Variants in HERC1 observed in about 807,000 individuals in gnomAD.
HERC1 encodes the protein probable E3 ubiquitin-protein ligase HERC1.
Under a neutral mutation model 554.3 loss-of-function variants are expected in HERC1, and 160 were observed. The observed-to-expected ratio is 0.29, with a 90% CI of 0.25 to 0.33. The LOEUF (loss-of-function observed/expected upper bound fraction) is 0.33, where lower values mean the gene tolerates loss of function less well. Among genes scored for constraint, HERC1 ranks in the 10% least tolerant of loss-of-function variants. The pLI is 1.00. For missense variants in HERC1, 4,919 were observed against 5,918.5 expected (o/e 0.83, Z 5.54); for synonymous variants, 2,175 against 2,131.7 (o/e 1.02, Z -0.56).
intron 2 of HERC1, among the ~76,000 whole-genome samples, chr15:63,765,346 T>G (rs553859492): frequency 6.8e-4 from 103 of 151,970 alleles, no homozygotes; most frequent in Non-Finnish European, 1.3e-3. Flanking sequence ...AAACCAAAAA[T>G]AAAATTCAAA....
rs748345488 is a variant in HERC1, at chr15:63,686,488, T to C, written c.6096A>G (p.Glu2032=). ...EEEDENLPIQ[E]VSFDPEKAQC... is the part of the protein sequence containing the mutation. ...GAGCTTTCTCCGGGTCAAAGGATAC[T>C]TCTTGGATAGGAAGATTCTCATCTT... The change falls in exon 34 of 78, where the codon GAA becomes GAG. Residue 2032 remains glutamate (E), a synonymous_variant. Coordinates refer to ENST00000443617, the MANE Select transcript of HERC1 (RefSeq NM_003922.4). 2.5e-6 allele frequency: 4 copies of C among 1,613,894 alleles called. 1 individual carries two copies. The highest frequency in any genetic ancestry group is 2.2e-5 in the South Asian group (2 of 91,060).
chr15:63,739,762 C>T (rs976766589), intron 12 of HERC1, among the ~76,000 whole-genome samples: 1 of 152,010 alleles, frequency 6.6e-6, no homozygotes, highest in Non-Finnish European at 1.5e-5. Context: ...CGCTTGAACC[C>T]AGGACGTGGA....
Position 63,636,973 on chromosome 15 carries a change from CTT to C in HERC1, c.12232+530_12232+531del. On this transcript the variant is annotated intron_variant, in intron 64 of 77. Transcript: ENST00000443617. Reference sequence around the variant, plus strand: ...GGAACTTGTTTTGAACTCATAGTTACTTGTATGCTTTTACCTAAAAAAACCGT... The same window carrying C: ...GGAACTTGTTTTGAACTCATAGTTACGTATGCTTTTACCTAAAAAAACCGT... 1.1e-5 allele frequency: 4 copies of C among 357,204 alleles called. No individual in the cohort carries two copies. The Admixed American group carries it at 1.5e-4, about 13-fold the overall frequency. 22.1% of individuals were successfully genotyped at this position (357,204 alleles called of 1,614,324 possible).
chr15:63,716,480 G>C lies in HERC1; in HGVS notation c.3979-7C>G. ...AGTCCTGGTTTTCTGATATCTTAAAGAAATTATCAGAAACTACACTAAATA... is the reference window on the plus strand; with the variant it reads ...AGTCCTGGTTTTCTGATATCTTAAACAAATTATCAGAAACTACACTAAATA... On this transcript the variant is annotated splice_polypyrimidine_tract_variant and splice_region_variant and intron_variant, in intron 21 of 77. Coordinates refer to ENST00000443617, the MANE Select transcript of HERC1 (RefSeq NM_003922.4). The C allele has an allele frequency of 6.3e-7, 1 of 1,576,478 alleles. No homozygotes were observed. Among genetic ancestry groups the C allele is most frequent in the Non-Finnish European group, 8.6e-7 (1 of 1,165,110 alleles).
At chr15:63,683,057 A>G (rs1175677832) in intron 34 of HERC1, among the ~76,000 whole-genome samples, 1 of 151,600 alleles carries the variant, frequency 6.6e-6, no homozygotes, top group Non-Finnish European at 1.5e-5. Flanking sequence ...AATCCCTTGA[A>G]ACTGGCAGGT....
chr15:63,712,486 T>C (rs2073349321), intron 24 of HERC1, among the ~76,000 whole-genome samples: 1 of 152,156 alleles, frequency 6.6e-6, no homozygotes, highest in Non-Finnish European at 1.5e-5. Context: ...GAGAGACGAG[T>C]TCACTTGTAG....
Position 63,671,472 on chromosome 15 carries a change from G to T in HERC1, c.8045+1024C>A, listed in dbSNP as rs146216838. ...CGCACCTCCTGAAACTATTATTCCA[G>T]TAAGAGAGCTAACATGTAGGAGATA... On this transcript the variant is annotated intron_variant, in intron 39 of 77. Transcript: ENST00000443617. 2.0e-5 allele frequency among the ~76,000 whole-genome samples: 3 copies of T among 152,142 alleles called. No individual in the cohort carries two copies. The East Asian group carries it at 5.8e-4, about 29-fold the overall frequency.
At chr15:63,629,420 G>T (rs1405794421) in intron 69 of HERC1, among the ~76,000 whole-genome samples, 1 of 152,186 alleles carries the variant, frequency 6.6e-6, no homozygotes, top group Non-Finnish European at 1.5e-5. Context: ...GGAAAGTTAA[G>T]TAATAACAGA....
At chr15:63,825,481 G>A (rs1029311115) in intron 1 of HERC1, among the ~76,000 whole-genome samples, 16 of 152,070 alleles carry the variant, frequency 1.1e-4, no homozygotes, top group Admixed American at 2.0e-4. Flanking sequence ...AAAACATCAT[G>A]TGTACACATT....
chr15:63,729,079 A>C (rs919835913), intron 16 of HERC1, among the ~76,000 whole-genome samples, 157 bp downstream of exon 16: 2 of 152,170 alleles, frequency 1.3e-5, no homozygotes, highest in Non-Finnish European at 2.9e-5. Context: ...AATCACTGCT[A>C]ACACTACCCC....
intron 2 of HERC1, among the ~76,000 whole-genome samples, chr15:63,764,755 A>C (rs2075719303): frequency 6.8e-6 from 1 of 147,054 alleles, no homozygotes; most frequent in African/African-American, 2.7e-5. Context: ...CTGTCTCTCT[A>C]AAACAATAAT....
Position 63,756,603 on chromosome 15 carries a change from G to C in HERC1, c.1367C>G (p.Ser456Cys), listed in dbSNP as rs866757320. The C allele has an allele frequency of 6.2e-7, 1 of 1,613,672 alleles. No individual in the cohort carries two copies. Among genetic ancestry groups the C allele is most frequent in the East Asian group, 2.2e-5 (1 of 44,888 alleles). Residue 456 changes from serine to cysteine, a missense_variant, in exon 5 of 78, where the codon TCC becomes TGC. Ser to Cys is a moderately radical substitution (Grantham distance 112). Coordinates refer to ENST00000443617, the MANE Select transcript of HERC1 (RefSeq NM_003922.4). The surrounding 1 kb of genome is among the most constrained non-coding windows in gnomAD (Gnocchi z 5.0). ...TTTAGAAGATGAAACCTTTTTAATG[G>C]ATCTGTGAGGCTCGAATGTTAACTT... ...LKKLTFEPHR[S>C]IKKVSSSKGS...
chr15:63,682,779 A>G (rs1272330681), intron 34 of HERC1, among the ~76,000 whole-genome samples: 2 of 152,154 alleles, frequency 1.3e-5, no homozygotes, highest in East Asian at 3.8e-4. Flanking sequence ...GAAGGGAGGA[A>G]GAAAACTTTT....
At position 63,656,108 on chromosome 15, in the gene HERC1, G is replaced by T; in HGVS notation, c.9850C>A (p.Leu3284Ile). Residue 3284 changes from leucine to isoleucine, a missense_variant, in exon 49 of 78, where the codon CTT becomes ATT. Coordinates refer to ENST00000443617, the MANE Select transcript of HERC1 (RefSeq NM_003922.4). ...CTTACCTGTGTACACAACTGTACAA[G>T]CAGTTTGGCAGCACTAGGAGCATTT... The part of the protein sequence containing the change: ...ASNAPSAAKL[L>I]VQLCTQNLIS... The T allele has an allele frequency of 6.2e-7, 1 of 1,612,854 alleles. No homozygotes were observed. The highest frequency in any genetic ancestry group is 2.2e-5 in the East Asian group (1 of 44,842).
At chr15:63,721,578 T>C (rs1370589852) in intron 19 of HERC1, among the ~76,000 whole-genome samples, 1 of 152,164 alleles carries the variant, frequency 6.6e-6, no homozygotes, top group East Asian at 1.9e-4. Context: ...GGTGTCATCT[T>C]ATTGGCAGAT....
chr15:63,654,047 CT>C, intron 51 of HERC1, 71 bp downstream of exon 51: 1 of 1,186,910 alleles, frequency 8.4e-7, no homozygotes, highest in Non-Finnish European at 1.2e-6. Flanking sequence ...AAACTTTGAG[CT>C]CCTTGAGAAG....
intron 1 of HERC1, among the ~76,000 whole-genome samples, chr15:63,785,249 C>T (rs2076402738): frequency 6.6e-6 from 1 of 151,886 alleles, no homozygotes. Context: ...CATAGCAAGA[C>T]ATTACCTTGA....
intron 77 of HERC1, among the ~76,000 whole-genome samples, chr15:63,611,628 C>T (rs1482684251): frequency 6.6e-6 from 1 of 152,202 alleles, no homozygotes; most frequent in East Asian, 1.9e-4. Context: ...GGCCATGCCT[C>T]AGCACAGGAA....
At chr15:63,753,168 T>G in intron 7 of HERC1, 83 bp from the exon 8 acceptor site, 5 of 1,000,700 alleles carry the variant, frequency 5.0e-6, no homozygotes, top group Non-Finnish European at 6.8e-6. Context: ...GATAAGGAGC[T>G]CTAATGTTTC....
Sources: gnomAD v4.1 joint callset for allele counts (sites outside exome capture counted in the v4.1 genomes callset) on GRCh38, gnomAD v4.1.1 for gene constraint, Gnocchi (gnomAD v3.1) non-coding constraint, MANE v1.5 for transcripts, NCBI Gene and HGNC (gene_info 2026-07-23, HGNC 2026-07-21) for gene names.